CCNH: variants seen among roughly 807,000 people sequenced by gnomAD.
CCNH encodes cyclin H.
Under a neutral mutation model 41.9 loss-of-function variants are expected in CCNH, and 31 were observed. The ratio of observed to expected loss-of-function variants is 0.74; its 90% CI spans 0.56 to 1.00. The LOEUF (loss-of-function observed/expected upper bound fraction) is 1.00. CCNH is among the 50% of genes least tolerant of loss of function. CCNH has a pLI of 0.00. For missense variants in CCNH, 362 were observed against 388.4 expected (o/e 0.93, Z 0.57); for synonymous variants, 138 against 136.1 (o/e 1.01, Z -0.10).
downstream of CCNH, chr5:87,394,043 A>ATATC (rs368026296): frequency 3.9e-3 from 626 of 158,624 alleles, 6 homozygotes; most frequent in African/African-American, 0.014. Flanking sequence ...ATAGCTAAAT[A>ATATC]TATCAGGATG....
chr5:87,401,753 T>G lies in CCNH; in HGVS notation c.709A>C (p.Met237Leu). ...TMESYLSESL[M>L]LKENRTCLSQ... ...AGGCAAGTTCTGTTCTCTTTCAGCA[T>G]CAGACTCTCTGATAAATAACTAGTA... The change falls in exon 6 of 9, where the codon ATG (methionine) becomes CTG (leucine). Residue 237 changes from methionine (M) to leucine (L), a missense_variant. Met to Leu is a conservative substitution (Grantham distance 15, BLOSUM62 2). Coordinates refer to ENST00000256897, the MANE Select transcript of CCNH (RefSeq NM_001239.4). 1 of 1,585,836 alleles carries G rather than the reference T, an allele frequency of 6.3e-7. No homozygotes were observed. The highest frequency in any genetic ancestry group is 8.6e-7 in the Non-Finnish European group (1 of 1,168,464).
chr5:87,386,862 A>G (rs1204463886), downstream of CCNH: 3 of 1,612,872 alleles, frequency 1.9e-6, no homozygotes, highest in Admixed American at 1.7e-5. Flanking sequence ...ATTCATCAAA[A>G]GCAACAAACA....
chr5:87,376,728 T>A, exon 1 of CCNH: 1 of 1,209,926 alleles, frequency 8.3e-7, no homozygotes, highest in Non-Finnish European at 1.2e-6. Context: ...TAGAAATAAG[T>A]AGACTACGAA....
intron 9 of CCNH, among the ~76,000 whole-genome samples, chr5:87,352,527 T>A (rs1759348924): frequency 6.6e-6 from 1 of 151,860 alleles, no homozygotes; most frequent in African/African-American, 2.4e-5. Flanking sequence ...CTAAAATTTA[T>A]ATTAAAATAC....
At chr5:87,386,626 T>G (rs2112516582), downstream of CCNH, among the ~76,000 whole-genome samples, 1 of 152,230 alleles carries the variant, frequency 6.6e-6, no homozygotes, top group South Asian at 2.1e-4. Context: ...TTATATGATT[T>G]AATTAATTCT....
chr5:87,386,912 A>T (rs1554050607), downstream of CCNH: 2 of 1,606,318 alleles, frequency 1.2e-6, no homozygotes, highest in East Asian at 2.2e-5. Context: ...GGGTATGTAT[A>T]TAGTTTTCAG....
chr5:87,371,821 T>G (rs927375368), downstream of CCNH, among the ~76,000 whole-genome samples: 2 of 152,170 alleles, frequency 1.3e-5, no homozygotes, highest in African/African-American at 4.8e-5. Flanking sequence ...AGAAATAGTT[T>G]CTTTAATGTA....
intron 9 of CCNH, among the ~76,000 whole-genome samples, chr5:87,340,774 GA>G (rs1220478407): frequency 6.6e-6 from 1 of 152,074 alleles, no homozygotes; most frequent in African/African-American, 2.4e-5. Flanking sequence ...GCAAAAAGTG[GA>G]AAGTACATTC....
chr5:87,348,906 T>A (rs758989305), intron 9 of CCNH, among the ~76,000 whole-genome samples: 2 of 152,002 alleles, frequency 1.3e-5, no homozygotes, highest in Non-Finnish European at 2.9e-5. Context: ...CTAACTATGC[T>A]TAGGTTCCTT....
rs1440134910 is a variant in CCNH at position 87,394,282 on chromosome 5, A to AGAT, written c.*161_*163dup. ...ACAGGTGCTATTCTAGCTCTTTTGA[A>AGAT]GATGGTTTATTTTACATAAAGTTAC... On this transcript the variant is annotated 3_prime_UTR_variant, in exon 9 of 9. Coordinates refer to ENST00000256897, the MANE Select transcript of CCNH (RefSeq NM_001239.4). The AGAT allele has an allele frequency of 8.3e-6, 11 of 1,329,370 alleles. No individual in the cohort carries two copies. Among genetic ancestry groups the AGAT allele is most frequent in the African/African-American group, 3.0e-5 (2 of 66,518 alleles). The allele number at this position is 1,329,370 out of a possible 1,614,324, so 82.3% of individuals were successfully genotyped here.
chr5:87,400,096 T>C (rs1253004059), intron 6 of CCNH, among the ~76,000 whole-genome samples: 1 of 152,236 alleles, frequency 6.6e-6, no homozygotes, highest in Non-Finnish European at 1.5e-5. Context: ...CTAGCTGATC[T>C]TGTTATTCAA....
upstream of CCNH, chr5:87,378,367 A>G (rs1237955936): frequency 1.2e-6 from 2 of 1,609,932 alleles, no homozygotes; most frequent in Non-Finnish European, 1.7e-6. Context: ...TCCTTTACAA[A>G]TAATCTTCTA....
In CCNH at chr5:87,383,930, T is replaced by C. The variant is rs995278283; in HGVS notation, c.*90+8840A>G. ...AGTATTCCAAAGCACCCTTCCTTCC[T>C]TGTGCTTGTGCTTCTTGGGCTTTTT... On this transcript the variant is annotated intron_variant and NMD_transcript_variant, in intron 9 of 9. Transcript: ENST00000645953. The C allele has an allele frequency of 7.1e-6, 5 of 701,770 alleles. No homozygotes were observed. The African/African-American group carries it at 7.3e-5, about 10-fold the overall frequency. 43.5% of individuals were successfully genotyped at this position (701,770 alleles called of 1,614,324 possible).
At chr5:87,383,674 T>C (rs1239654393) in intron 9 of CCNH, 3 of 1,458,248 alleles carry the variant, frequency 2.1e-6, no homozygotes, top group Admixed American at 3.6e-5. Flanking sequence ...ATATAGGTGT[T>C]TTCTAAAAAA....
At chr5:87,317,269 T>C (rs1388398424), downstream of CCNH, among the ~76,000 whole-genome samples, 1 of 152,158 alleles carries the variant, frequency 6.6e-6, no homozygotes, top group East Asian at 1.9e-4. Context: ...TTCCAGACTT[T>C]TAATAAATTC....
At chr5:87,398,483 C>T (rs1359269854) in intron 7 of CCNH, among the ~76,000 whole-genome samples, 3 of 152,142 alleles carry the variant, frequency 2.0e-5, no homozygotes, top group Non-Finnish European at 4.4e-5. Flanking sequence ...TAGAAAATGG[C>T]AGTTTCATTA....
At chr5:87,385,716 T>C (rs79626695) in intron 9 of CCNH, among the ~76,000 whole-genome samples, 2,407 of 152,148 alleles carry the variant, frequency 0.016, 72 homozygotes, top group African/African-American at 0.055. Flanking sequence ...TCACTGTAAA[T>C]GTTAAAACTC....
intron 9 of CCNH, among the ~76,000 whole-genome samples, chr5:87,360,229 C>T (rs1298502076): frequency 4.6e-5 from 7 of 150,760 alleles, no homozygotes; most frequent in East Asian, 3.9e-4. Flanking sequence ...TGGGTTCAAG[C>T]GATTCTCCTC....
chr5:87,342,338 T>C (rs922890257), intron 9 of CCNH, among the ~76,000 whole-genome samples: 1 of 152,026 alleles, frequency 6.6e-6, no homozygotes, highest in African/African-American at 2.4e-5. Flanking sequence ...ATTGTACCTT[T>C]AGTAGAGATG....
Sources: allele counts gnomAD v4.1 joint callset (sites outside exome capture counted in the v4.1 genomes callset), GRCh38; gene constraint gnomAD v4.1.1; transcripts MANE v1.5; gene names NCBI Gene and HGNC (gene_info 2026-07-23, HGNC 2026-07-21).